The following PEG3 variants were observed in gnomAD, a reference collection of about 807,000 sequenced individuals.
PEG3 encodes the protein paternally expressed 3, also known as paternally-expressed gene 3 protein.
Under a neutral mutation model 35.5 loss-of-function variants are expected in PEG3, and 23 were observed. That is an observed-to-expected ratio of 0.65 (90% CI 0.47 to 0.92). PEG3 has a LOEUF of 0.92. PEG3 is among the 40% of genes least tolerant of loss of function. The probability of loss-of-function intolerance (pLI) is 0.00; values close to 1 mark genes in which losing one functional copy is unlikely to be tolerated. For missense variants in PEG3, 1,960 were observed against 1,985.3 expected (o/e 0.99, Z 0.24); for synonymous variants, 707 against 697.0 (o/e 1.01, Z -0.23).
chr19:56,823,313 G>T (rs186288893), intron 5 of PEG3, among the ~76,000 whole-genome samples: 1 of 152,336 alleles, frequency 6.6e-6, no homozygotes, highest in East Asian at 1.9e-4. Context: ...TCCTGAGGAG[G>T]CTGGGGGTAC....
rs35563894 is a variant in PEG3, at chr19:56,813,201, CA to C, written c.*473del. Reference sequence around the variant, plus strand: ...CAAATTTGTTGCTCTCTTCCTCCTCCAAAAAAAAAAAAAATTCAAAGAATAC... The same window carrying C: ...CAAATTTGTTGCTCTCTTCCTCCTCCAAAAAAAAAAAAATTCAAAGAATAC... On this transcript the variant is annotated 3_prime_UTR_variant, in exon 10 of 10. Transcript: ENST00000326441. 0.48 allele frequency: 396,049 copies of C among 829,240 alleles called. 38,362 individuals carry two copies. The highest frequency in any genetic ancestry group is 0.59 in the Admixed American group (9,281 of 15,670). The allele number at this position is 829,240 out of a possible 1,614,324, so 51.4% of individuals were successfully genotyped here. A position where few individuals can be genotyped will look rare whatever the true frequency, so the allele number is the denominator to read the frequency against.
rs1352822533 is a variant in PEG3, at chr19:56,815,892, A to G, written c.2550T>C (p.Asn850=). The G allele has an allele frequency of 6.2e-7, 1 of 1,613,122 alleles. No homozygotes were observed. Among genetic ancestry groups the G allele is most frequent in the Non-Finnish European group, 8.5e-7 (1 of 1,179,458 alleles). The change falls in exon 10 of 10, where the codon AAT becomes AAC. Residue 850 remains asparagine (N), a synonymous_variant. Coordinates refer to ENST00000326441, the MANE Select transcript of PEG3 (RefSeq NM_006210.3). ...ASKPPRSHNG[N]ELVESNEKGE... is the part of the protein sequence containing the mutation. ...CCTTCTCATTAGATTCCACCAATTC[A>G]TTTCCATTGTGACTTCTTGGAGGTT...
chr19:56,811,047 A>G lies in PEG3; in HGVS notation c.*2628T>C, dbSNP rs1433557103. On this transcript the variant is annotated 3_prime_UTR_variant, in exon 10 of 10. Coordinates refer to ENST00000326441, the MANE Select transcript of PEG3 (RefSeq NM_006210.3). The stretch of plus-strand genomic sequence containing the variant: ...TAATCATAAACCTGTGCACAGAAAC[A>G]AGAATGAACAAGATAAGAGGAGAGT... 2 of 979,566 alleles carry G rather than the reference A, an allele frequency of 2.0e-6. No individual in the cohort carries two copies. Among genetic ancestry groups the G allele is most frequent in the African/African-American group, 1.8e-5 (1 of 57,078 alleles). 60.7% of individuals were successfully genotyped at this position (979,566 alleles called of 1,614,324 possible). A position where few individuals can be genotyped will look rare whatever the true frequency, so the allele number is the denominator to read the frequency against.
chr19:56,823,949 A>C (rs1166954013), intron 4 of PEG3, among the ~76,000 whole-genome samples: 1 of 151,930 alleles, frequency 6.6e-6, no homozygotes, highest in Non-Finnish European at 1.5e-5. Context: ...CCACACCAAA[A>C]AGGCAGGAGC....
At position 56,817,534 on chromosome 19, in the gene PEG3, C is replaced by T; in HGVS notation, c.908G>A (p.Gly303Glu). 1 of 1,602,284 alleles carries T rather than the reference C, an allele frequency of 6.2e-7. No individual in the cohort carries two copies. The highest frequency in any genetic ancestry group is 1.1e-5 in the South Asian group (1 of 89,252). ...GTGGGAAGATTCATCTTCACAAATC[C>T]CCCGCCGGTGGGTTGATTTTTTGGC... Reference protein sequence around the residue: ...PEAKKSTHRRGICEDESSHGV... With the variant: ...PEAKKSTHRREICEDESSHGV... Residue 303 changes from glycine to glutamate, a missense_variant, in exon 10 of 10, where the codon GGG (glycine) becomes GAG (glutamate). Around this residue, in one of 5 missense-constraint regions of PEG3, gnomAD observed 613 missense variants for 577.1 expected, o/e 1.06. Coordinates refer to ENST00000326441, the MANE Select transcript of PEG3 (RefSeq NM_006210.3).
chr19:56,838,478 G>GC (rs958350954), intron 1 of PEG3, among the ~76,000 whole-genome samples: 2 of 152,148 alleles, frequency 1.3e-5, no homozygotes, highest in African/African-American at 4.8e-5. Context: ...AGCCCCGCCA[G>GC]CAGGGCGCCT....
Position 56,812,366 on chromosome 19 carries a change from T to C in PEG3, c.*1309A>G. 1 of 984,644 alleles carries C rather than the reference T, an allele frequency of 1.0e-6. No homozygotes were observed. The highest frequency in any genetic ancestry group is 1.2e-6 in the Non-Finnish European group (1 of 829,448). 61.0% of individuals were successfully genotyped at this position (984,644 alleles called of 1,614,324 possible). On this transcript the variant is annotated 3_prime_UTR_variant, in exon 10 of 10. Transcript: ENST00000326441. ...AGGAACAGATGTTAACAAAACAAAT[T>C]AAGGCTGCTGGGGAACCTGAGTCCA...
Position 56,822,248 on chromosome 19 carries a change from GGAA to G in PEG3, c.566-497_566-495del, listed in dbSNP as rs1193745178. 3.9e-5 allele frequency among the ~76,000 whole-genome samples: 6 copies of G among 152,172 alleles called. No individual in the cohort carries two copies. In the East Asian group the frequency reaches 1.2e-3, roughly 29 times the overall value. The stretch of plus-strand genomic sequence containing the variant: ...CCCACAGCAGTGTTCTCCAAGTCCA[GGAA>G]GAAGAGGAAATGATTTCCAGCAGTA... On this transcript the variant is annotated intron_variant, in intron 6 of 9. Coordinates refer to ENST00000326441, the MANE Select transcript of PEG3 (RefSeq NM_006210.3).
At chr19:56,832,863 T>C (rs1479467083) in intron 2 of PEG3, among the ~76,000 whole-genome samples, 1 of 152,258 alleles carries the variant, frequency 6.6e-6, no homozygotes, top group African/African-American at 2.4e-5. Flanking sequence ...AGCATTGCCA[T>C]TGAAGTCTGG....
chr19:56,816,249 A>G lies in PEG3; in HGVS notation c.2193T>C (p.Ser731=). Residue 731 remains serine (S), a synonymous_variant, in exon 10 of 10, where the codon TCT becomes TCC. Coordinates refer to ENST00000326441, the MANE Select transcript of PEG3 (RefSeq NM_006210.3). The stretch of plus-strand genomic sequence containing the variant: ...GTCTTGTTATAGTATGACTCTTCTG[A>G]GATTCAGTGAATGGCCCACTATGAA... The part of the protein sequence containing the change: ...SVIHSGPFTE[S]QKSHTITRPL... The G allele has an allele frequency of 6.2e-7, 1 of 1,614,074 alleles. No individual in the cohort carries two copies. Among genetic ancestry groups the G allele is most frequent in the Non-Finnish European group, 8.5e-7 (1 of 1,179,958 alleles).
chr19:56,811,928 A>G lies in PEG3; in HGVS notation c.*1747T>C. 1.0e-6 allele frequency: 1 copy of G among 984,792 alleles called. No homozygotes were observed. Among genetic ancestry groups the G allele is most frequent in the East Asian group, 1.1e-4 (1 of 8,802 alleles). The allele number at this position is 984,792 out of a possible 1,614,324, so 61.0% of individuals were successfully genotyped here. A position where few individuals can be genotyped will look rare whatever the true frequency, so the allele number is the denominator to read the frequency against. On this transcript the variant is annotated 3_prime_UTR_variant, in exon 10 of 10. Coordinates refer to ENST00000326441, the MANE Select transcript of PEG3 (RefSeq NM_006210.3). ...TGATATATTAGGACTCCCTTCTTTG[A>G]CTCACTCATTTCTGCTTCTTGCTCT...
chr19:56,823,502 C>T lies in PEG3; in HGVS notation c.481+91G>A, dbSNP rs886757210. On this transcript the variant is annotated intron_variant, in intron 5 of 9. Coordinates refer to ENST00000326441, the MANE Select transcript of PEG3 (RefSeq NM_006210.3). Reference sequence around the variant, plus strand: ...TGACCACTCGGGGATGGCGGGTCATCTTCATGGAGGCCCCAACCCACTGTG... The same window carrying T: ...TGACCACTCGGGGATGGCGGGTCATTTTCATGGAGGCCCCAACCCACTGTG... 7.2e-6 allele frequency: 11 copies of T among 1,524,678 alleles called. No individual in the cohort carries two copies. In the African/African-American group the frequency reaches 9.6e-5, roughly 13 times the overall value. 94.4% of individuals were successfully genotyped at this position (1,524,678 alleles called of 1,614,324 possible). A position where few individuals can be genotyped will look rare whatever the true frequency, so the allele number is the denominator to read the frequency against.
chr19:56,823,523 CTG>C (rs1187697210), intron 5 of PEG3, 68 bp downstream of exon 5: 2 of 1,594,422 alleles, frequency 1.3e-6, no homozygotes, highest in Non-Finnish European at 8.6e-7. Flanking sequence ...CCCCAACCCA[CTG>C]TGTCTCCATC....
In PEG3 at chr19:56,815,527, T is replaced by C. The variant is rs377313937; in HGVS notation, c.2915A>G (p.Gln972Arg). The C allele has an allele frequency of 2.5e-6, 4 of 1,614,044 alleles. No individual in the cohort carries two copies. The African/African-American group carries it at 4.0e-5, about 16-fold the overall frequency. The change falls in exon 10 of 10, where the codon CAG becomes CGG. Residue 972 changes from glutamine (Q) to arginine (R), a missense_variant. By Grantham distance (43) the Gln-to-Arg change is conservative (BLOSUM62 1). This residue lies in a region of PEG3 where 798 missense variants were observed against 782.4 expected (regional missense o/e 1.02). Transcript: ENST00000326441. ...ATGAGCAAAGCACTCCCCACACTCCTGACATTCATAGAGCATCCCTCGAGG... is the reference window on the plus strand; with the variant it reads ...ATGAGCAAAGCACTCCCCACACTCCCGACATTCATAGAGCATCCCTCGAGG... ...FRPRGMLYEC[Q>R]ECGECFAHSS...
In PEG3 at chr19:56,815,136, A is replaced by G; in HGVS notation, c.3306T>C (p.Pro1102=). The change falls in exon 10 of 10, where the codon CCT becomes CCC. Residue 1102 remains proline, a synonymous_variant. Transcript: ENST00000326441. ...SDMEDPQKDD[P]DDKIYECEDC... ...CCTCACATTCATAGATTTTGTCATC[A>G]GGGTCATCCTTCTGAGGGTCTTCCA... The G allele has an allele frequency of 6.2e-7, 1 of 1,613,974 alleles. No homozygotes were observed. Among genetic ancestry groups the G allele is most frequent in the Non-Finnish European group, 8.5e-7 (1 of 1,179,942 alleles).
Position 56,810,214 on chromosome 19 carries a change from A to T in PEG3, c.*3461T>A. 2.0e-6 allele frequency: 2 copies of T among 982,770 alleles called. No individual in the cohort carries two copies. Among genetic ancestry groups the T allele is most frequent in the Non-Finnish European group, 2.4e-6 (2 of 827,524 alleles). 60.9% of individuals were successfully genotyped at this position (982,770 alleles called of 1,614,324 possible). ...TCAAGATGTTAACCACACTCTTTGG[A>T]TGGTGAAAACATGGGTGAGTTTCTC... On this transcript the variant is annotated 3_prime_UTR_variant, in exon 10 of 10. Coordinates refer to ENST00000326441, the MANE Select transcript of PEG3 (RefSeq NM_006210.3).
At position 56,816,569 on chromosome 19, in the gene PEG3, T is replaced by C. The variant is rs1337674411; in HGVS notation, c.1873A>G (p.Lys625Glu). The C allele has an allele frequency of 6.2e-7, 1 of 1,614,084 alleles. No homozygotes were observed. Among genetic ancestry groups the C allele is most frequent in the Admixed American group, 1.7e-5 (1 of 60,008 alleles). ...NEFQKMYGKE[K>E]MYECKVCGET... The stretch of plus-strand genomic sequence containing the variant: ...CCACACACCTTACATTCGTACATTT[T>C]CTCTTTACCATACATTTTCTGAAAC... The change falls in exon 10 of 10, where the codon AAA (lysine) becomes GAA (glutamate). Residue 625 changes from lysine (K) to glutamate (E), a missense_variant. Coordinates refer to ENST00000326441, the MANE Select transcript of PEG3 (RefSeq NM_006210.3).
chr19:56,814,836 G>A lies in PEG3; in HGVS notation c.3606C>T (p.Ala1202=). The change falls in exon 10 of 10, where the codon GCC becomes GCT. Residue 1202 remains alanine (A), a synonymous_variant. Transcript: ENST00000326441. The surrounding 1 kb of genome is among the most constrained non-coding windows in gnomAD (Gnocchi z 5.8). Reference sequence around the variant, plus strand: ...TCCTCCGTGGCTTCATGGGCAAGAGGGCAATAAAACCATCATCACACCCCT... The same window carrying A: ...TCCTCCGTGGCTTCATGGGCAAGAGAGCAATAAAACCATCATCACACCCCT... ...SMKGCDDGFI[A]LLPMKPRRNR... 1.2e-6 allele frequency: 2 copies of A among 1,614,110 alleles called. No homozygotes were observed. The highest frequency in any genetic ancestry group is 2.2e-5 in the East Asian group (1 of 44,876).
chr19:56,827,233 G>A (rs2061128168), intron 2 of PEG3, among the ~76,000 whole-genome samples: 1 of 152,112 alleles, frequency 6.6e-6, no homozygotes, highest in Non-Finnish European at 1.5e-5. Flanking sequence ...TTGTCACAAG[G>A]TGGATGCCAA....
Sources: allele counts gnomAD v4.1 joint callset (sites outside exome capture counted in the v4.1 genomes callset), GRCh38; gene constraint gnomAD v4.1.1; regional missense constraint gnomAD v4.1.1; non-coding constraint Gnocchi (gnomAD v3.1); transcripts MANE v1.5; gene names NCBI Gene and HGNC (gene_info 2026-07-23, HGNC 2026-07-21).